The following CEP120 variants were observed in gnomAD, a reference collection of about 807,000 sequenced individuals.
CEP120 encodes centrosomal protein 120, also known as centrosomal protein of 120 kDa.
CEP120 carries 113 observed loss-of-function variants against 126.5 expected under a neutral mutation model. The observed-to-expected ratio is 0.89, with a 90% CI of 0.77 to 1.04. The LOEUF (loss-of-function observed/expected upper bound fraction) is 1.04. Ranked by LOEUF, CEP120 falls within the 50% of genes least tolerant of loss-of-function variation. The pLI is 0.00. For missense variants in CEP120, 1,230 were observed against 1,155.7 expected (o/e 1.06, Z -0.93); for synonymous variants, 400 against 394.3 (o/e 1.01, Z -0.17).
chr5:123,381,765 ATAT>A lies in CEP120; in HGVS notation c.2103+343_2103+345del, dbSNP rs398051024. ...TTTGTATATTCATATACACACACACATATTTTTTTTTAAGAGATGGGGGTCTCA... is the reference window on the plus strand; with the variant it reads ...TTTGTATATTCATATACACACACACATTTTTTTTAAGAGATGGGGGTCTCA... On this transcript the variant is annotated intron_variant, in intron 14 of 19. Coordinates refer to ENST00000306467, the MANE Select transcript of CEP120 (RefSeq NM_001375405.1). 4.9e-5 allele frequency among the ~76,000 whole-genome samples: 7 copies of A among 141,460 alleles called. 1 individual carries two copies. Among genetic ancestry groups the A allele is most frequent in the South Asian group, 4.5e-4 (2 of 4,450 alleles). The allele number at this position is 141,460 out of a possible 152,430, so 92.8% of individuals were successfully genotyped here.
chr5:123,399,047 C>T, intron 5 of CEP120, 89 bp downstream of exon 5: 3 of 991,340 alleles, frequency 3.0e-6, no homozygotes, highest in Admixed American at 2.9e-5. Context: ...AAAAAGTCTA[C>T]TTGCAAGTCT....
At chr5:123,399,856 A>C (rs1773058911) in intron 4 of CEP120, among the ~76,000 whole-genome samples, 1 of 152,216 alleles carries the variant, frequency 6.6e-6, no homozygotes, top group Non-Finnish European at 1.5e-5. Context: ...ATAAGAGAAA[A>C]TCATGAAACT....
intron 18 of CEP120, among the ~76,000 whole-genome samples, chr5:123,351,862 G>T (rs931753387): frequency 6.6e-6 from 1 of 152,088 alleles, no homozygotes; most frequent in Admixed American, 6.6e-5. Context: ...AAGCATTTCC[G>T]ATTAGGGATG....
intron 16 of CEP120, among the ~76,000 whole-genome samples, chr5:123,377,021 A>G (rs1372088246): frequency 6.6e-6 from 1 of 152,154 alleles, no homozygotes; most frequent in Non-Finnish European, 1.5e-5. Flanking sequence ...TTTACTGAGT[A>G]TGAGGAGAGG....
chr5:123,378,010 T>A (rs1294920438), intron 15 of CEP120, among the ~76,000 whole-genome samples: 1 of 152,140 alleles, frequency 6.6e-6, no homozygotes, highest in Non-Finnish European at 1.5e-5. Context: ...GTTTTCTGCA[T>A]GTCTAAAAGA....
chr5:123,371,728 A>C (rs1045261833), intron 17 of CEP120, among the ~76,000 whole-genome samples: 31 of 152,176 alleles, frequency 2.0e-4, no homozygotes, highest in Non-Finnish European at 4.0e-4. Context: ...GATGGAAAAA[A>C]CTTCCCAACA....
At chr5:123,376,689 G>T (rs545104502) in intron 16 of CEP120, among the ~76,000 whole-genome samples, 1 of 152,056 alleles carries the variant, frequency 6.6e-6, no homozygotes, top group Non-Finnish European at 1.5e-5. Flanking sequence ...TAAGACATCT[G>T]AACAGAGATG....
intron 14 of CEP120, among the ~76,000 whole-genome samples, chr5:123,380,692 A>C (rs1771577130): frequency 6.6e-6 from 1 of 152,110 alleles, no homozygotes; most frequent in Non-Finnish European, 1.5e-5. Context: ...TCAATACTAA[A>C]ATACTCTTCA....
chr5:123,381,928 A>G (rs1771676124), intron 14 of CEP120, among the ~76,000 whole-genome samples, 183 bp downstream of exon 14: 1 of 152,020 alleles, frequency 6.6e-6, no homozygotes, highest in South Asian at 2.1e-4. Flanking sequence ...CATATTCCAA[A>G]AGCACAAAAT....
chr5:123,411,787 G>T (rs1331082225), intron 4 of CEP120, among the ~76,000 whole-genome samples: 1 of 152,160 alleles, frequency 6.6e-6, no homozygotes, highest in Non-Finnish European at 1.5e-5. Context: ...ATTTACATTT[G>T]TCAAAACCCA....
upstream of CEP120, chr5:123,423,438 C>A: frequency 5.5e-6 from 1 of 180,816 alleles, no homozygotes; most frequent in Non-Finnish European, 1.2e-5. Context: ...GGCTAGAACG[C>A]CCGTCAGCGA....
At chr5:123,410,899 G>C (rs1774015971) in intron 4 of CEP120, among the ~76,000 whole-genome samples, 2 of 152,108 alleles carry the variant, frequency 1.3e-5, no homozygotes. Flanking sequence ...GAGAAGATAA[G>C]CCACATACTG....
Position 123,412,504 on chromosome 5 carries a change from T to C in CEP120, c.358A>G (p.Thr120Ala), listed in dbSNP as rs202103949. 1.4e-4 allele frequency: 231 copies of C among 1,611,570 alleles called. No homozygotes were observed. Among genetic ancestry groups the C allele is most frequent in the Non-Finnish European group, 1.7e-4 (200 of 1,178,830 alleles). Residue 120 changes from threonine (T) to alanine (A), a missense_variant, in exon 4 of 20, where the codon ACC becomes GCC. By Grantham distance (58) the Thr-to-Ala change is moderately conservative. Transcript: ENST00000306467. ...KWYQLLSNKY[T>A]KFKSEIQISI... The stretch of plus-strand genomic sequence containing the variant: ...ATCTGTATCTCAGACTTGAATTTGG[T>C]GTATTTATTACTCAGCAACTGGTAC...
At chr5:123,401,865 T>A in intron 4 of CEP120, 1 of 1,545,586 alleles carries the variant, frequency 6.5e-7, no homozygotes, top group South Asian at 1.1e-5. Context: ...CGCCTCCAGC[T>A]TCAGTTTCTC....
rs1294920438 is a variant in CEP120 at position 123,378,010 on chromosome 5, T to C, written c.2196+326A>G. On this transcript the variant is annotated intron_variant, in intron 15 of 19. Coordinates refer to ENST00000306467, the MANE Select transcript of CEP120 (RefSeq NM_001375405.1). The stretch of plus-strand genomic sequence containing the variant: ...GCAGTTTGAATAGCAGTTTTCTGCA[T>C]GTCTAAAAGACAATTTTCATGAAAT... 1.3e-5 allele frequency among the ~76,000 whole-genome samples: 2 copies of C among 152,140 alleles called. 1 individual carries two copies. Among genetic ancestry groups the C allele is most frequent in the African/African-American group, 4.8e-5 (2 of 41,454 alleles).
chr5:123,371,031 T>G (rs1037137939), intron 17 of CEP120, among the ~76,000 whole-genome samples: 10 of 152,028 alleles, frequency 6.6e-5, no homozygotes, highest in Admixed American at 6.6e-4. Context: ...TTCTTTAACT[T>G]AGCATCTAAG....
At chr5:123,410,821 A>G (rs1201123396) in intron 4 of CEP120, among the ~76,000 whole-genome samples, 1 of 152,246 alleles carries the variant, frequency 6.6e-6, no homozygotes, top group African/African-American at 2.4e-5. Flanking sequence ...CATGAATGCA[A>G]CAACTCATAA....
chr5:123,415,946 G>A, intron 3 of CEP120, 64 bp downstream of exon 3: 1 of 1,057,404 alleles, frequency 9.5e-7, no homozygotes, highest in South Asian at 1.3e-5. Context: ...TCATCAATCT[G>A]TTATCTACTG....
At chr5:123,377,247 CAA>C in intron 16 of CEP120, 125 bp downstream of exon 16, 1 of 821,422 alleles carries the variant, frequency 1.2e-6, no homozygotes, top group Non-Finnish European at 1.9e-6. Flanking sequence ...AATCTCAGTG[CAA>C]TAATATGATT....
Sources: gnomAD v4.1 joint callset for allele counts (sites outside exome capture counted in the v4.1 genomes callset) on GRCh38, gnomAD v4.1.1 for gene constraint, MANE v1.5 for transcripts, NCBI Gene and HGNC (gene_info 2026-07-23, HGNC 2026-07-21) for gene names.